MARCHF11: variants seen among roughly 807,000 people sequenced by gnomAD.
MARCHF11 encodes membrane associated ring-CH-type finger 11.
Under a neutral mutation model 37.3 loss-of-function variants are expected in MARCHF11, and 29 were observed. That is an observed-to-expected ratio of 0.78 (90% CI 0.58 to 1.06). MARCHF11 has a LOEUF of 1.06. Ranked by LOEUF, MARCHF11 falls within the 50% of genes least tolerant of loss-of-function variation. The pLI is 0.00. For synonymous variants in MARCHF11, 233 were observed against 228.0 expected (o/e 1.02, Z -0.20); for missense variants, 482 against 533.4 (o/e 0.90, Z 0.95).
At chr5:16,126,804 G>A (rs1176080147) in intron 2 of MARCHF11, among the ~76,000 whole-genome samples, 2 of 152,154 alleles carry the variant, frequency 1.3e-5, no homozygotes, top group Admixed American at 1.3e-4. Context: ...AATTCATTGT[G>A]TGTTCCAACC....
chr5:16,179,347 T>C lies in MARCHF11; in HGVS notation c.229A>G (p.Arg77Gly). ...GGAGGCGGCAGCTCGTCCGCTCCCC[T>C]GCACCGCGGGGCCACCTCCCCTAGC... Reference protein sequence around the residue: ...EPLGEVAPRCRGADELPPPPL... With the variant: ...EPLGEVAPRCGGADELPPPPL... Residue 77 changes from arginine to glycine, a missense_variant, in exon 1 of 4, where the codon AGG (arginine) becomes GGG (glycine). Transcript: ENST00000332432. 1 of 1,187,804 alleles carries C rather than the reference T, an allele frequency of 8.4e-7. No individual in the cohort carries two copies. Among genetic ancestry groups the C allele is most frequent in the Non-Finnish European group, 1.0e-6 (1 of 960,588 alleles). The allele number at this position is 1,187,804 out of a possible 1,614,324, so 73.6% of individuals were successfully genotyped here.
At chr5:16,087,505 T>A (rs2126554411) in intron 3 of MARCHF11, among the ~76,000 whole-genome samples, 1 of 152,344 alleles carries the variant, frequency 6.6e-6, no homozygotes, top group Admixed American at 6.5e-5. Context: ...ACTAGCCACT[T>A]GTGGCTATTT....
intron 2 of MARCHF11, among the ~76,000 whole-genome samples, chr5:16,107,913 C>T (rs985746717): frequency 6.6e-6 from 1 of 152,064 alleles, no homozygotes; most frequent in Non-Finnish European, 1.5e-5. Flanking sequence ...ACTCCATCCC[C>T]CTTCCAGCTC....
At chr5:16,167,982 T>C (rs927269844) in intron 2 of MARCHF11, among the ~76,000 whole-genome samples, 1 of 152,178 alleles carries the variant, frequency 6.6e-6, no homozygotes, top group African/African-American at 2.4e-5. Flanking sequence ...CTGTAGAACA[T>C]GAGTAAAATC....
chr5:16,177,841 C>G lies in MARCHF11; in HGVS notation c.578G>C (p.Arg193Pro). Residue 193 changes from arginine (R) to proline (P), a missense_variant, in exon 2 of 4, where the codon CGG becomes CCG. Physicochemically the swap from Arg to Pro is moderately radical, Grantham distance 103. Transcript: ENST00000332432. ...LNPCRCDGSV[R>P]YTHQLCLLKW... ...TAGCAGGCACAGCTGATGTGTATAC[C>G]GAACTGACCCATCACATCGGCAGGG... 1.9e-6 allele frequency: 3 copies of G among 1,612,744 alleles called. No individual in the cohort carries two copies. The highest frequency in any genetic ancestry group is 2.5e-6 in the Non-Finnish European group (3 of 1,179,352).
chr5:16,120,153 T>C (rs1737288551), intron 2 of MARCHF11, among the ~76,000 whole-genome samples: 1 of 152,220 alleles, frequency 6.6e-6, no homozygotes, highest in Non-Finnish European at 1.5e-5. Context: ...CACAGAAGCA[T>C]TTGCTCCTTC....
chr5:16,090,875 G>T lies in MARCHF11; in HGVS notation c.886+14C>A. The stretch of plus-strand genomic sequence containing the variant: ...TTACTGACAGTGTGTTAACGTTGAA[G>T]GTCATGGTCTTACCTATGCACACTA... On this transcript the variant is annotated intron_variant, in intron 3 of 3. Transcript: ENST00000332432. The T allele has an allele frequency of 6.7e-7, 1 of 1,498,958 alleles. No individual in the cohort carries two copies. The highest frequency in any genetic ancestry group is 2.1e-5 in the Admixed American group (1 of 48,536). The allele number at this position is 1,498,958 out of a possible 1,614,324, so 92.9% of individuals were successfully genotyped here. A position where few individuals can be genotyped will look rare whatever the true frequency, so the allele number is the denominator to read the frequency against.
chr5:16,125,596 G>C (rs1431685406), intron 2 of MARCHF11, among the ~76,000 whole-genome samples: 1 of 150,392 alleles, frequency 6.6e-6, no homozygotes, highest in Non-Finnish European at 1.5e-5. Context: ...TCACCTCTCA[G>C]CTGGTGCACC....
intron 2 of MARCHF11, among the ~76,000 whole-genome samples, chr5:16,136,175 G>C (rs539869170): frequency 6.6e-6 from 1 of 152,002 alleles, no homozygotes; most frequent in African/African-American, 2.4e-5. Context: ...ATGCATAAAT[G>C]GTGTCCCAGA....
At chr5:16,111,352 C>A (rs1389161005) in intron 2 of MARCHF11, among the ~76,000 whole-genome samples, 4 of 152,130 alleles carry the variant, frequency 2.6e-5, no homozygotes, top group South Asian at 2.1e-4. Flanking sequence ...ACAATGAAAT[C>A]CAGGCTGAGG....
chr5:16,114,765 C>T (rs1336326469), intron 2 of MARCHF11, among the ~76,000 whole-genome samples: 1 of 151,980 alleles, frequency 6.6e-6, no homozygotes, highest in African/African-American at 2.4e-5. Context: ...GCTGAAATTA[C>T]AGGCATCAGC....
At position 16,175,618 on chromosome 5, in the gene MARCHF11, G is replaced by C. The variant is rs537024994; in HGVS notation, c.693+2108C>G. The stretch of plus-strand genomic sequence containing the variant: ...GATTTGTCATGAAGATTAAATATCA[G>C]TATCCATATATACAAAGCATTTAGA... On this transcript the variant is annotated intron_variant, in intron 2 of 3. Transcript: ENST00000332432. Among the ~76,000 whole-genome samples the C allele has an allele frequency of 7.2e-5, 11 of 152,268 alleles. No individual in the cohort carries two copies. The South Asian group carries it at 1.2e-3, about 17-fold the overall frequency.
At chr5:16,122,803 A>G (rs1282170389) in intron 2 of MARCHF11, among the ~76,000 whole-genome samples, 1 of 152,170 alleles carries the variant, frequency 6.6e-6, no homozygotes, top group African/African-American at 2.4e-5. Context: ...AAAGCACATC[A>G]TCAAAGGAGA....
At chr5:16,116,189 A>G (rs1299984492) in intron 2 of MARCHF11, among the ~76,000 whole-genome samples, 1 of 152,166 alleles carries the variant, frequency 6.6e-6, no homozygotes, top group East Asian at 1.9e-4. Flanking sequence ...TATTAACAGT[A>G]TCCTCAAATG....
At chr5:16,111,561 TA>T (rs1220707518) in intron 2 of MARCHF11, among the ~76,000 whole-genome samples, 1 of 152,184 alleles carries the variant, frequency 6.6e-6, no homozygotes, top group Non-Finnish European at 1.5e-5. Flanking sequence ...TGGGTGCTGT[TA>T]AAAGCATTCA....
At chr5:16,080,970 CAACA>C (rs1241160368) in intron 3 of MARCHF11, among the ~76,000 whole-genome samples, 3 of 152,150 alleles carry the variant, frequency 2.0e-5, no homozygotes, top group African/African-American at 7.2e-5. Context: ...TGCTATGCCT[CAACA>C]AACATCTTTT....
chr5:16,170,168 C>T (rs1435655433), intron 2 of MARCHF11, among the ~76,000 whole-genome samples: 1 of 152,136 alleles, frequency 6.6e-6, no homozygotes, highest in African/African-American at 2.4e-5. Context: ...AGTAGACGCT[C>T]TTAGCAGCTC....
chr5:16,119,363 A>AT (rs370626980), intron 2 of MARCHF11, among the ~76,000 whole-genome samples: 17 of 150,060 alleles, frequency 1.1e-4, no homozygotes, highest in East Asian at 3.9e-4. Flanking sequence ...CTCCATCTCA[A>AT]TTAAAAAAAA....
In MARCHF11 at chr5:16,124,414, C is replaced by T. The variant is rs374961477; in HGVS notation, c.694-33333G>A. 4.5e-4 allele frequency among the ~76,000 whole-genome samples: 69 copies of T among 152,234 alleles called. No homozygotes were observed. The South Asian group carries it at 0.014, about 31-fold the overall frequency. ...AAAGTTCACACACAGCTCCAGACAA[C>T]GGTTCAAGGGTATCACTTGTTAGAA... On this transcript the variant is annotated intron_variant, in intron 2 of 3. Coordinates refer to ENST00000332432, the MANE Select transcript of MARCHF11 (RefSeq NM_001102562.3).
Sources: allele counts gnomAD v4.1 joint callset (sites outside exome capture counted in the v4.1 genomes callset), GRCh38; gene constraint gnomAD v4.1.1; transcripts MANE v1.5; gene names NCBI Gene and HGNC (gene_info 2026-07-23, HGNC 2026-07-21).